The following ARMC8 variants were observed in gnomAD, a reference collection of about 807,000 sequenced individuals.
ARMC8 encodes the protein armadillo repeat containing 8.
ARMC8 carries 20 observed loss-of-function variants against 99.3 expected under a neutral mutation model. The ratio of observed to expected loss-of-function variants is 0.20; its 90% CI spans 0.14 to 0.29. ARMC8 has a LOEUF of 0.29. Among genes scored for constraint, ARMC8 ranks in the 10% least tolerant of loss-of-function variants. The probability of loss-of-function intolerance (pLI) is 1.00; values close to 1 mark genes in which losing one functional copy is unlikely to be tolerated. For missense variants in ARMC8, 569 were observed against 809.5 expected (o/e 0.70, Z 3.60); for synonymous variants, 263 against 278.3 (o/e 0.95, Z 0.55).
At chr3:138,223,822 G>C in intron 5 of ARMC8, 89 bp downstream of exon 5, 2 of 1,132,452 alleles carry the variant, frequency 1.8e-6, no homozygotes, top group Non-Finnish European at 2.6e-6. Context: ...CATCATAACT[G>C]TGTTATGTAA....
intron 12 of ARMC8, among the ~76,000 whole-genome samples, chr3:138,253,711 T>C (rs913531900): frequency 7.9e-5 from 12 of 152,224 alleles, no homozygotes; most frequent in Non-Finnish European, 1.5e-4. Flanking sequence ...TGTACACTCA[T>C]CATGTAACAT....
rs571805068 is a variant in ARMC8 at position 138,259,693 on chromosome 3, C to A, written c.1135-4046C>A. Among the ~76,000 whole-genome samples the A allele has an allele frequency of 2.0e-5, 3 of 152,262 alleles. No individual in the cohort carries two copies. The South Asian group carries it at 6.2e-4, about 32-fold the overall frequency. On this transcript the variant is annotated intron_variant, in intron 12 of 21. Coordinates refer to ENST00000469044, the MANE Select transcript of ARMC8 (RefSeq NM_001363941.2). ...TCAACTTGTGCCTGAGGGGAAGATA[C>A]CTCCAGATAGTTTTATGTCCTGACT...
intron 12 of ARMC8, chr3:138,246,531 A>G: frequency 2.0e-6 from 2 of 985,710 alleles, no homozygotes; most frequent in Non-Finnish European, 2.4e-6. Context: ...TAACTTAAAT[A>G]CACAATTATT....
chr3:138,192,612 G>T (rs1317941679), intron 1 of ARMC8, among the ~76,000 whole-genome samples: 1 of 151,800 alleles, frequency 6.6e-6, no homozygotes, highest in African/African-American at 2.4e-5. Context: ...GTGCTATGGC[G>T]TGATCTCAGT....
At chr3:138,266,337 C>A (rs1438048313) in intron 14 of ARMC8, among the ~76,000 whole-genome samples, 1 of 152,070 alleles carries the variant, frequency 6.6e-6, no homozygotes, top group African/African-American at 2.4e-5. Context: ...AACACACTTG[C>A]TTATGGAGTG....
chr3:138,253,566 T>A (rs991655171), intron 12 of ARMC8, among the ~76,000 whole-genome samples: 4 of 152,218 alleles, frequency 2.6e-5, no homozygotes, highest in African/African-American at 9.7e-5. Context: ...CCTAAAAAAA[T>A]ACTACAAACT....
At chr3:138,187,650 G>C (rs1389366119) in intron 1 of ARMC8, 51 bp downstream of exon 1, 13 of 1,525,928 alleles carry the variant, frequency 8.5e-6, no homozygotes, top group East Asian at 4.9e-5. Flanking sequence ...GCCTCATCCC[G>C]GTCTCCACCA....
intron 2 of ARMC8, among the ~76,000 whole-genome samples, chr3:138,219,623 G>C (rs1024749848): frequency 8.5e-5 from 13 of 152,200 alleles, no homozygotes; most frequent in African/African-American, 3.1e-4. Context: ...ATTCTTCATG[G>C]AAGTGATCTA....
At chr3:138,244,942 C>T in intron 11 of ARMC8, 146 bp from the exon 12 acceptor site, 1 of 977,046 alleles carries the variant, frequency 1.0e-6, no homozygotes, top group Non-Finnish European at 1.5e-6. Context: ...TGAACAGAAT[C>T]CAAAAATAAC....
chr3:138,258,419 T>C (rs2047507323), intron 12 of ARMC8, among the ~76,000 whole-genome samples: 1 of 152,242 alleles, frequency 6.6e-6, no homozygotes, highest in Non-Finnish European at 1.5e-5. Context: ...GCTTATGTCC[T>C]GGCCACAACT....
intron 12 of ARMC8, among the ~76,000 whole-genome samples, chr3:138,259,114 C>G (rs904729062): frequency 1.3e-5 from 2 of 152,188 alleles, no homozygotes; most frequent in Non-Finnish European, 2.9e-5. Flanking sequence ...TTGGCACCCT[C>G]CATCATATCA....
intron 2 of ARMC8, among the ~76,000 whole-genome samples, chr3:138,219,297 C>T (rs528228873): frequency 7.9e-5 from 12 of 152,270 alleles, no homozygotes; most frequent in Middle Eastern, 3.4e-3. Context: ...TATCTAGAAT[C>T]ACTATAAATA....
chr3:138,294,214 G>T, intron 21 of ARMC8, among the ~76,000 whole-genome samples: 1 of 152,190 alleles, frequency 6.6e-6, no homozygotes, highest in East Asian at 1.9e-4. Flanking sequence ...TATCTCTCAG[G>T]TTCCTTTTGT....
At chr3:138,245,803 A>T (rs2046853278) in intron 12 of ARMC8, 1 of 986,092 alleles carries the variant, frequency 1.0e-6, no homozygotes, top group African/African-American at 1.7e-5. Flanking sequence ...CTTGATGAGA[A>T]TACTTCTAGA....
At chr3:138,219,507 G>A (rs991807238) in intron 2 of ARMC8, among the ~76,000 whole-genome samples, 9 of 152,098 alleles carry the variant, frequency 5.9e-5, no homozygotes, top group East Asian at 1.9e-4. Flanking sequence ...AGGAGATGAC[G>A]GAGAAAGAAT....
In ARMC8 at chr3:138,187,592, T is replaced by A. The variant is rs2043132062; in HGVS notation, c.38T>A (p.Val13Asp). The A allele has an allele frequency of 6.5e-7, 1 of 1,535,510 alleles. No individual in the cohort carries two copies. Among genetic ancestry groups the A allele is most frequent in the Admixed American group, 2.0e-5 (1 of 50,966 alleles). Residue 13 changes from valine to aspartate, a missense_variant, in exon 1 of 22, where the codon GTC (valine) becomes GAC (aspartate). Physicochemically the swap from Val to Asp is radical, Grantham distance 152. Around this residue, in one of 2 missense-constraint regions of ARMC8, gnomAD observed 342 missense variants for 391.6 expected, o/e 0.87. Coordinates refer to ENST00000469044, the MANE Select transcript of ARMC8 (RefSeq NM_001363941.2). The part of the protein sequence containing the change: ...CLLETPIRMS[V>D]LSEVTASSRH... ...TTGGAGACCCCAATCCGCATGAGCG[T>A]CCTTTCGGTGAGTGACCCGCCGCGG...
At chr3:138,294,261 C>CA (rs1362339857) in intron 21 of ARMC8, among the ~76,000 whole-genome samples, 1 of 152,194 alleles carries the variant, frequency 6.6e-6, no homozygotes, top group Non-Finnish European at 1.5e-5. Flanking sequence ...CAGATGCTTA[C>CA]AGATGAGAAG....
intron 19 of ARMC8, among the ~76,000 whole-genome samples, chr3:138,287,368 A>G (rs2050532488): frequency 6.6e-6 from 1 of 152,070 alleles, no homozygotes; most frequent in Non-Finnish European, 1.5e-5. Flanking sequence ...GCACCTTCCT[A>G]TTCTTTAAGT....
At chr3:138,225,080 C>T (rs907691397) in intron 5 of ARMC8, among the ~76,000 whole-genome samples, 4 of 149,374 alleles carry the variant, frequency 2.7e-5, no homozygotes, top group African/African-American at 2.5e-5. Context: ...CATGAGGCAC[C>T]GTGCTCAGCC....
Sources: gnomAD v4.1 joint callset for allele counts (sites outside exome capture counted in the v4.1 genomes callset) on GRCh38, gnomAD v4.1.1 for gene constraint, gnomAD v4.1.1 regional missense constraint, MANE v1.5 for transcripts, NCBI Gene and HGNC (gene_info 2026-07-23, HGNC 2026-07-21) for gene names.